NOD2: variants seen among roughly 807,000 people sequenced by gnomAD.
The protein encoded by NOD2 is nucleotide-binding oligomerization domain-containing protein 2.
Under a neutral mutation model 90.9 loss-of-function variants are expected in NOD2, and 86 were observed. That is an observed-to-expected ratio of 0.95 (90% confidence interval 0.79 to 1.13). The LOEUF (loss-of-function observed/expected upper bound fraction) is 1.13. Among genes scored for constraint, NOD2 ranks in the 50% most tolerant of loss-of-function variants. The pLI, the probability that NOD2 is intolerant of heterozygous loss-of-function variation, is 0.00. For missense variants in NOD2, 1,238 were observed against 1,283.8 expected (o/e 0.96, Z 0.55); for synonymous variants, 581 against 554.6 (o/e 1.05, Z -0.67).
At chr16:50,718,380 G>A (rs965568342) in intron 6 of NOD2, among the ~76,000 whole-genome samples, 5 of 152,348 alleles carry the variant, frequency 3.3e-5, no homozygotes, top group Admixed American at 1.3e-4. Flanking sequence ...TGCGCTGGAC[G>A]GGGGGCTGAT....
intron 8 of NOD2, 119 bp downstream of exon 8, chr16:50,722,824 G>A (rs1221725003): frequency 1.2e-5 from 11 of 949,770 alleles, no homozygotes; most frequent in Admixed American, 5.3e-5. Context: ...AGGCAATGGA[G>A]TAAGGAAAAA....
rs1184367870 is a variant in NOD2, at chr16:50,710,854, C to T, written c.862C>T (p.Leu288=). The T allele has an allele frequency of 6.2e-7, 1 of 1,613,968 alleles. No individual in the cohort carries two copies. Among genetic ancestry groups the T allele is most frequent in the African/African-American group, 1.3e-5 (1 of 74,920 alleles). Residue 288 remains leucine (L), a synonymous_variant, in exon 4 of 12, where the codon CTG becomes TTG. Transcript: ENST00000647318. ...KSTLLQRLHL[L]WAAGQDFQEF... ...CACGCTCCTGCAGCGGCTGCACTTG[C>T]TGTGGGCTGCAGGGCAAGACTTCCA...
Position 50,725,532 on chromosome 16 carries a change from G to A in NOD2, c.2845G>A (p.Ala949Thr), listed in dbSNP as rs148561632. The A allele has an allele frequency of 2.5e-4, 404 of 1,614,050 alleles. No homozygotes were observed. Among genetic ancestry groups the A allele is most frequent in the East Asian group, 3.1e-4 (14 of 44,880 alleles). Residue 949 changes from alanine to threonine, a missense_variant, in exon 10 of 12, where the codon GCA becomes ACA. Ala to Thr is a moderately conservative substitution (Grantham distance 58). Transcript: ENST00000647318. ...HLQDEGVCSL[A>T]EGLKKNSSLK... ...CCAGGATGAAGGTGTATGTTCTCTC[G>A]CAGAAGGACTGAAGAAAAATTCAAG...
In NOD2 at chr16:50,713,006, C is replaced by T. The variant is rs1354340547; in HGVS notation, c.2381+633C>T. On this transcript the variant is annotated intron_variant, in intron 4 of 11. Transcript: ENST00000647318. The stretch of plus-strand genomic sequence containing the variant: ...GCACAGTGTCCAAACAGGATTTCAG[C>T]ACTACCCGTATTGCTTAGAGCCCCA... 2.5e-5 allele frequency: 4 copies of T among 160,074 alleles called. No homozygotes were observed. In the East Asian group the frequency reaches 7.3e-4, roughly 29 times the overall value. 9.9% of individuals were successfully genotyped at this position (160,074 alleles called of 1,614,324 possible). A position where few individuals can be genotyped will look rare whatever the true frequency, so the allele number is the denominator to read the frequency against.
intron 6 of NOD2, among the ~76,000 whole-genome samples, chr16:50,717,446 T>C (rs1384093871): frequency 6.6e-6 from 1 of 152,154 alleles, no homozygotes; most frequent in Non-Finnish European, 1.5e-5. Flanking sequence ...TGTCTCCCAG[T>C]TTCAACAGGA....
chr16:50,719,516 A>G (rs1208089546), intron 6 of NOD2, among the ~76,000 whole-genome samples: 1 of 152,116 alleles, frequency 6.6e-6, no homozygotes, highest in South Asian at 2.1e-4. Flanking sequence ...CTCTTGTGCA[A>G]CAGGTAAAGC....
At position 50,723,360 on chromosome 16, in the gene NOD2, A is replaced by G. The variant is rs1303276743; in HGVS notation, c.2777A>G (p.Lys926Arg). The G allele has an allele frequency of 6.2e-7, 1 of 1,613,958 alleles. No homozygotes were observed. Among genetic ancestry groups the G allele is most frequent in the South Asian group, 1.1e-5 (1 of 91,072 alleles). The change falls in exon 9 of 12, where the codon AAG becomes AGG. Residue 926 changes from lysine (K) to arginine (R), a missense_variant. Coordinates refer to ENST00000647318, the MANE Select transcript of NOD2 (RefSeq NM_001370466.1). ...CAAGCCTTGGCACTGATGCTGGCAAAGAACGTCATGCTAGAAGAACTCTGG... is the reference window on the plus strand; with the variant it reads ...CAAGCCTTGGCACTGATGCTGGCAAGGAACGTCATGCTAGAAGAACTCTGG... ...GAQALALMLA[K>R]NVMLEELCLE... is the part of the protein sequence containing the mutation.
At position 50,732,127 on chromosome 16, in the gene NOD2, C is replaced by T; in HGVS notation, c.*308C>T. On this transcript the variant is annotated 3_prime_UTR_variant, in exon 12 of 12. Transcript: ENST00000647318. The stretch of plus-strand genomic sequence containing the variant: ...ACTGGCCTCTGCTGATCCTCCCAGG[C>T]TTCCGTGTGGGTCAGTGGGGCCCAT... 1 of 436,318 alleles carries T rather than the reference C, an allele frequency of 2.3e-6. No homozygotes were observed. The highest frequency in any genetic ancestry group is 4.3e-6 in the Non-Finnish European group (1 of 232,584). The allele number at this position is 436,318 out of a possible 1,614,324, so 27.0% of individuals were successfully genotyped here.
chr16:50,719,003 T>C (rs1964922143), intron 6 of NOD2, among the ~76,000 whole-genome samples: 1 of 152,128 alleles, frequency 6.6e-6, no homozygotes, highest in Admixed American at 6.5e-5. Flanking sequence ...CTGGGCACCT[T>C]GGACTTCAGT....
chr16:50,711,090 C>T lies in NOD2; in HGVS notation c.1098C>T (p.Arg366=). The stretch of plus-strand genomic sequence containing the variant: ...AGTTCAGGTTCACGGATCGTGAACG[C>T]CACTGCTCCCCGACCGACCCCACCT... ...EFKFRFTDRE[R]HCSPTDPTSV... The change falls in exon 4 of 12, where the codon CGC becomes CGT. Residue 366 remains arginine, a synonymous_variant. Transcript: ENST00000647318. 2 of 1,614,184 alleles carry T rather than the reference C, an allele frequency of 1.2e-6. No homozygotes were observed. Among genetic ancestry groups the T allele is most frequent in the South Asian group, 1.1e-5 (1 of 91,086 alleles).
Position 50,730,420 on chromosome 16 carries a change from T to G in NOD2, c.2969+519T>G, listed in dbSNP as rs186638353. Among the ~76,000 whole-genome samples, 554 of 152,196 alleles carry G rather than the reference T, an allele frequency of 3.6e-3. 18 individuals are homozygous for G. Among genetic ancestry groups the G allele is most frequent in the Admixed American group, 0.036 (545 of 15,278 alleles). On this transcript the variant is annotated intron_variant, in intron 11 of 11. Coordinates refer to ENST00000647318, the MANE Select transcript of NOD2 (RefSeq NM_001370466.1). ...TAAAAAGAATGACTAGCCTTGGGAG[T>G]CTGGGCAGCTGGGTCCAGTGTTGTA...
chr16:50,728,208 G>T, intron 10 of NOD2: 1 of 228,422 alleles, frequency 4.4e-6, no homozygotes, highest in South Asian at 6.1e-5. Flanking sequence ...AATCAGCTTT[G>T]ATGATTGCTC....
chr16:50,729,114 C>A (rs1965365902), intron 10 of NOD2: 1 of 152,952 alleles, frequency 6.5e-6, no homozygotes, highest in Non-Finnish European at 1.5e-5. Flanking sequence ...GGGAAACTCC[C>A]CTTTTTAAAA....
chr16:50,700,677 A>G (rs1290965970), intron 2 of NOD2, among the ~76,000 whole-genome samples: 1 of 152,224 alleles, frequency 6.6e-6, no homozygotes, highest in Non-Finnish European at 1.5e-5. Flanking sequence ...GTCTATTACC[A>G]CTGGCTGCTA....
chr16:50,711,338 C>A lies in NOD2; in HGVS notation c.1346C>A (p.Thr449Asn), dbSNP rs1567392113. The A allele has an allele frequency of 1.2e-6, 2 of 1,613,712 alleles. No individual in the cohort carries two copies. Among genetic ancestry groups the A allele is most frequent in the African/African-American group, 1.3e-5 (1 of 75,070 alleles). The change falls in exon 4 of 12, where the codon ACC becomes AAC. Residue 449 changes from threonine (T) to asparagine (N), a missense_variant. This residue lies in a region of NOD2 where 567 missense variants were observed against 577.3 expected (regional missense o/e 0.98). Coordinates refer to ENST00000647318, the MANE Select transcript of NOD2 (RefSeq NM_001370466.1). ...ADRLIRLLQETSALHGLCHLP... is the reference protein window; with the variant it reads ...ADRLIRLLQENSALHGLCHLP... ...CGCCTCATCCGCCTGCTCCAAGAGA[C>A]CTCAGCCCTGCACGGTTTGTGCCAC...
intron 7 of NOD2, among the ~76,000 whole-genome samples, chr16:50,720,739 C>A (rs530509817): frequency 6.6e-6 from 1 of 152,302 alleles, no homozygotes; most frequent in Non-Finnish European, 1.5e-5. Flanking sequence ...GAGAGAATAA[C>A]CTTAGGGCCT....
intron 2 of NOD2, among the ~76,000 whole-genome samples, chr16:50,706,673 A>T (rs147735728): frequency 6.6e-6 from 1 of 152,140 alleles, no homozygotes; most frequent in East Asian, 1.9e-4. Flanking sequence ...GAAAGAAAGA[A>T]TGAAACGTAC....
chr16:50,732,085 C>T lies in NOD2; in HGVS notation c.*266C>T. On this transcript the variant is annotated 3_prime_UTR_variant, in exon 12 of 12. Coordinates refer to ENST00000647318, the MANE Select transcript of NOD2 (RefSeq NM_001370466.1). ...ATCCCAGGATGTACAAGGACAGCCC[C>T]TCCTCCATAGTATGGGACTGGCCTC... The T allele has an allele frequency of 6.1e-6, 3 of 494,688 alleles. No individual in the cohort carries two copies. The highest frequency in any genetic ancestry group is 5.9e-5 in the South Asian group (3 of 50,646). 30.6% of individuals were successfully genotyped at this position (494,688 alleles called of 1,614,324 possible). A position where few individuals can be genotyped will look rare whatever the true frequency, so the allele number is the denominator to read the frequency against.
Position 50,719,971 on chromosome 16 carries a change from G to A in NOD2, c.2596G>A (p.Glu866Lys), listed in dbSNP as rs201884393. The A allele has an allele frequency of 2.0e-5, 32 of 1,614,214 alleles. No individual in the cohort carries two copies. Among genetic ancestry groups the A allele is most frequent in the East Asian group, 1.6e-4 (7 of 44,882 alleles). ...ITAAGAQVLAEGLRGNTSLQF... is the reference protein window; with the variant it reads ...ITAAGAQVLAKGLRGNTSLQF... ...TGCCGCGGGAGCCCAAGTGCTGGCCGAGGGGCTCCGAGGCAACACCTCCTT... is the reference window on the plus strand; with the variant it reads ...TGCCGCGGGAGCCCAAGTGCTGGCCAAGGGGCTCCGAGGCAACACCTCCTT... Residue 866 changes from glutamate to lysine, a missense_variant, in exon 7 of 12, where the codon GAG becomes AAG. Physicochemically the swap from Glu to Lys is moderately conservative, Grantham distance 56. Transcript: ENST00000647318.
Sources: allele counts gnomAD v4.1 joint callset (sites outside exome capture counted in the v4.1 genomes callset), GRCh38; gene constraint gnomAD v4.1.1; regional missense constraint gnomAD v4.1.1; transcripts MANE v1.5; gene names NCBI Gene and HGNC (gene_info 2026-07-23, HGNC 2026-07-21).